The following NSD3 variants were observed in gnomAD, a reference collection of about 807,000 sequenced individuals.
NSD3 encodes the protein histone-lysine N-methyltransferase NSD3.
In NSD3, 24 loss-of-function variants were observed where a neutral mutation model predicts 160.8. The observed-to-expected ratio is 0.15, with a 90% CI of 0.11 to 0.21. The LOEUF (loss-of-function observed/expected upper bound fraction) is 0.21. Ranked by LOEUF, NSD3 falls within the 10% of genes least tolerant of loss-of-function variation. NSD3 has a pLI of 1.00. For synonymous variants in NSD3, 520 were observed against 600.0 expected (o/e 0.87, Z 1.95); for missense variants, 1,157 against 1,735.9 (o/e 0.67, Z 5.93).
chr8:38,373,934 CAAAAAAAAAAAA>C (rs61532119), intron 1 of NSD3, among the ~76,000 whole-genome samples: 981 of 25,154 alleles, frequency 0.039, 23 homozygotes, highest in Middle Eastern at 0.067. Flanking sequence ...TCTGTCTCTA[CAAAAAAAAAAAA>C]AAAAAAAAAA....
Position 38,315,410 on chromosome 8 carries a change from G to A in NSD3, c.2115+6C>T. The A allele has an allele frequency of 1.3e-6, 2 of 1,558,110 alleles. No homozygotes were observed. On this transcript the variant is annotated splice_donor_region_variant and intron_variant, in intron 11 of 23. Coordinates refer to ENST00000317025, the MANE Select transcript of NSD3 (RefSeq NM_023034.2). ...TTTCAAGCCATAGCACCAGTTACCT[G>A]CCTACCTGACATACAGTGTCCTTCT...
In NSD3 at chr8:38,316,066, A is replaced by C; in HGVS notation, c.1856-24T>G. Reference sequence around the variant, plus strand: ...ACCTTAATACAACACACTGAAATTAATCCTAAAATAGTACTTAAGGTTTGT... The same window carrying C: ...ACCTTAATACAACACACTGAAATTACTCCTAAAATAGTACTTAAGGTTTGT... On this transcript the variant is annotated intron_variant, in intron 9 of 23. Coordinates refer to ENST00000317025, the MANE Select transcript of NSD3 (RefSeq NM_023034.2). This position sits in a 1 kb window ranked among gnomAD's most constrained non-coding sequence, Gnocchi z 4.5. 1 of 1,608,388 alleles carries C rather than the reference A, an allele frequency of 6.2e-7. No individual in the cohort carries two copies. The highest frequency in any genetic ancestry group is 8.5e-7 in the Non-Finnish European group (1 of 1,178,518).
In NSD3 at chr8:38,272,717, CAAGAATAAAA is replaced by C. The variant is rs1563337714; in HGVS notation, c.*2914_*2923del. 2 of 152,148 alleles carry C rather than the reference CAAGAATAAAA, an allele frequency of 1.3e-5. No individual in the cohort carries two copies. The highest frequency in any genetic ancestry group is 4.8e-5 in the African/African-American group (2 of 41,418). The allele number at this position is 152,148 out of a possible 1,614,324, so 9.4% of individuals were successfully genotyped here. The stretch of plus-strand genomic sequence containing the variant: ...TGCTTTAAGTTATTTCATTGTTGGA[CAAGAATAAAA>C]ACCAGCCACTTACACTCTGACCACA... On this transcript the variant is annotated 3_prime_UTR_variant, in exon 24 of 24. Transcript: ENST00000317025.
chr8:38,276,435 C>T lies in NSD3; in HGVS notation c.3933G>A (p.Lys1311=), dbSNP rs750049979. ...GCATCTGCTTTGGTTCTGTTTTGAT[C>T]TTTCGTCTCTTCTGTTTTAACTTAG... ...KNAKLKQKRR[K]IKTEPKQMHE... is the part of the protein sequence containing the mutation. Residue 1311 remains lysine (K), a synonymous_variant, in exon 23 of 24, where the codon AAG becomes AAA. Coordinates refer to ENST00000317025, the MANE Select transcript of NSD3 (RefSeq NM_023034.2). The T allele has an allele frequency of 6.2e-6, 10 of 1,614,198 alleles. No homozygotes were observed. The highest frequency in any genetic ancestry group is 4.2e-6 in the Non-Finnish European group (5 of 1,180,032).
In NSD3 at chr8:38,289,426, G is replaced by A. The variant is rs780486275; in HGVS notation, c.3198C>T (p.Asn1066=). ...ESKEALEIEK[N]SRKPPPYKHI... ...GTTTGTAGGGAGGGGGTTTTCTTGAGTTTTTTTCAATCTCTAGGGCTTCTT... is the reference window on the plus strand; with the variant it reads ...GTTTGTAGGGAGGGGGTTTTCTTGAATTTTTTTCAATCTCTAGGGCTTCTT... Residue 1066 remains asparagine, a synonymous_variant, in exon 18 of 24, where the codon AAC becomes AAT. Transcript: ENST00000317025. 1 of 1,613,658 alleles carries A rather than the reference G, an allele frequency of 6.2e-7. No homozygotes were observed. The highest frequency in any genetic ancestry group is 1.1e-5 in the South Asian group (1 of 91,010).
intron 1 of NSD3, among the ~76,000 whole-genome samples, chr8:38,370,031 T>TG (rs1811204111): frequency 6.6e-6 from 1 of 152,178 alleles, no homozygotes; most frequent in African/African-American, 2.4e-5. Flanking sequence ...TGACCTCAAG[T>TG]GATCCACCCA....
intron 1 of NSD3, among the ~76,000 whole-genome samples, chr8:38,357,863 A>T (rs1375238106): frequency 6.6e-6 from 1 of 152,196 alleles, no homozygotes; most frequent in Admixed American, 6.5e-5. Flanking sequence ...GGAGGTAGTA[A>T]CAGAATATAA....
Position 38,272,792 on chromosome 8 carries a change from G to A in NSD3, c.*2849C>T, listed in dbSNP as rs1808514589. On this transcript the variant is annotated 3_prime_UTR_variant, in exon 24 of 24. Transcript: ENST00000317025. ...TTAACAAATACCAACTTCAGACTAT[G>A]AGTGAGCAATGTCTTTTGGAATATT... 6.6e-6 allele frequency: 1 copy of A among 152,220 alleles called. No homozygotes were observed. Among genetic ancestry groups the A allele is most frequent in the African/African-American group, 2.4e-5 (1 of 41,448 alleles). 9.4% of individuals were successfully genotyped at this position (152,220 alleles called of 1,614,324 possible). A position where few individuals can be genotyped will look rare whatever the true frequency, so the allele number is the denominator to read the frequency against.
At chr8:38,344,512 G>C (rs556941608) in intron 2 of NSD3, among the ~76,000 whole-genome samples, 1 of 152,092 alleles carries the variant, frequency 6.6e-6, no homozygotes, top group South Asian at 2.1e-4. Context: ...GACCTTAAGT[G>C]ATCCACCCAC....
At chr8:38,280,586 AATCACTT>A (rs996487965) in intron 20 of NSD3, among the ~76,000 whole-genome samples, 1 of 152,156 alleles carries the variant, frequency 6.6e-6, no homozygotes, top group African/African-American at 2.4e-5. Flanking sequence ...ATAGTCAACA[AATCACTT>A]ATCATGGCTG....
chr8:38,344,354 C>T (rs1414527642), intron 2 of NSD3, among the ~76,000 whole-genome samples: 1 of 152,232 alleles, frequency 6.6e-6, no homozygotes, highest in Non-Finnish European at 1.5e-5. Context: ...TCACTGCAAT[C>T]TCCACCTCCC....
At chr8:38,351,054 C>T (rs1390461056) in intron 1 of NSD3, among the ~76,000 whole-genome samples, 4 of 150,492 alleles carry the variant, frequency 2.7e-5, no homozygotes, top group Admixed American at 6.6e-5. Flanking sequence ...CCACTGCAAG[C>T]GCCGCCTCCC....
At chr8:38,330,121 G>C (rs1011810043) in intron 5 of NSD3, among the ~76,000 whole-genome samples, 7 of 152,120 alleles carry the variant, frequency 4.6e-5, no homozygotes, top group African/African-American at 1.4e-4. Context: ...CACTCTGCTG[G>C]ACAAGGTCCC....
At chr8:38,356,799 T>C (rs1464867681) in intron 1 of NSD3, among the ~76,000 whole-genome samples, 1 of 152,060 alleles carries the variant, frequency 6.6e-6, no homozygotes, top group East Asian at 1.9e-4. Flanking sequence ...TTCTCAATAA[T>C]AGAAACTTTA....
chr8:38,377,896 C>T (rs1365340246), intron 1 of NSD3, among the ~76,000 whole-genome samples: 1 of 152,036 alleles, frequency 6.6e-6, no homozygotes, highest in Non-Finnish European at 1.5e-5. Flanking sequence ...CGCGCCACTG[C>T]ACTCCAGCCT....
At chr8:38,340,473 G>A (rs1428408062) in intron 2 of NSD3, among the ~76,000 whole-genome samples, 2 of 152,108 alleles carry the variant, frequency 1.3e-5, no homozygotes, top group Non-Finnish European at 2.9e-5. Flanking sequence ...GAGAAACTGG[G>A]AATACAGGCC....
chr8:38,352,182 C>T (rs1447081334), intron 1 of NSD3, among the ~76,000 whole-genome samples: 1 of 152,128 alleles, frequency 6.6e-6, no homozygotes, highest in Non-Finnish European at 1.5e-5. Context: ...CAAATAACCC[C>T]AAACAGCAAA....
In NSD3 at chr8:38,319,439, T is replaced by A. The variant is rs1312192972; in HGVS notation, c.1810-499A>T. ...CTCTCTGTAGAGAGTGCTACAGGGC[T>A]CCATACAGCTGGAAGCTCAATACTT... is the stretch of plus-strand genomic sequence containing the variant. On this transcript the variant is annotated intron_variant, in intron 8 of 23. Coordinates refer to ENST00000317025, the MANE Select transcript of NSD3 (RefSeq NM_023034.2). The surrounding 1 kb of genome is among the most constrained non-coding windows in gnomAD (Gnocchi z 4.1). 1.3e-5 allele frequency: 2 copies of A among 152,606 alleles called. No homozygotes were observed. Among genetic ancestry groups the A allele is most frequent in the Non-Finnish European group, 2.9e-5 (2 of 68,348 alleles). 9.5% of individuals were successfully genotyped at this position (152,606 alleles called of 1,614,324 possible).
At position 38,319,377 on chromosome 8, in the gene NSD3, G is replaced by T. The variant is rs1809744610; in HGVS notation, c.1810-437C>A. The T allele has an allele frequency of 6.4e-6, 1 of 155,898 alleles. No individual in the cohort carries two copies. The highest frequency in any genetic ancestry group is 6.5e-5 in the Admixed American group (1 of 15,392). 9.7% of individuals were successfully genotyped at this position (155,898 alleles called of 1,614,324 possible). On this transcript the variant is annotated intron_variant, in intron 8 of 23. Transcript: ENST00000317025. The surrounding 1 kb of genome is among the most constrained non-coding windows in gnomAD (Gnocchi z 4.1). The stretch of plus-strand genomic sequence containing the variant: ...TCACGCCACTTTAAGACCCTTCCGC[G>T]CCTGCACTCACAGCTAAGTTGCTGG...
Sources: gnomAD v4.1 joint callset for allele counts (sites outside exome capture counted in the v4.1 genomes callset) on GRCh38, gnomAD v4.1.1 for gene constraint, Gnocchi (gnomAD v3.1) non-coding constraint, MANE v1.5 for transcripts, NCBI Gene and HGNC (gene_info 2026-07-23, HGNC 2026-07-21) for gene names.